FBXL17: variants seen among roughly 807,000 people sequenced by gnomAD.
The protein encoded by FBXL17 is F-box/LRR-repeat protein 17.
Under a neutral mutation model 66.2 loss-of-function variants are expected in FBXL17, and 22 were observed. The observed-to-expected ratio is 0.33, with a 90% CI of 0.24 to 0.47. The LOEUF is 0.47. FBXL17 is among the 20% of genes least tolerant of loss of function. The pLI is 1.00. For synonymous variants in FBXL17, 474 were observed against 400.5 expected (o/e 1.18, Z -2.19); for missense variants, 878 against 948.2 (o/e 0.93, Z 0.97).
intron 7 of FBXL17, among the ~76,000 whole-genome samples, chr5:108,016,177 G>A (rs1426720366): frequency 1.3e-5 from 2 of 152,142 alleles, no homozygotes; most frequent in Non-Finnish European, 2.9e-5. Flanking sequence ...AAGACCTTTT[G>A]CCCAGAGCAA....
chr5:108,349,733 G>A (rs574683098), intron 3 of FBXL17, among the ~76,000 whole-genome samples: 6 of 152,204 alleles, frequency 3.9e-5, no homozygotes, highest in Admixed American at 1.3e-4. Context: ...TTTTAAATGC[G>A]CAAATACAAG....
chr5:108,015,423 C>A (rs1156239664), intron 7 of FBXL17, among the ~76,000 whole-genome samples: 2 of 151,796 alleles, frequency 1.3e-5, no homozygotes, highest in Non-Finnish European at 2.9e-5. Flanking sequence ...TTCCTGCTGA[C>A]AAAAGGAGTG....
In FBXL17 at chr5:108,172,356, C is replaced by A. The variant is rs553723660; in HGVS notation, c.1745+13761G>T. Among the ~76,000 whole-genome samples, 8 of 152,224 alleles carry A rather than the reference C, an allele frequency of 5.3e-5. No homozygotes were observed. In the South Asian group the frequency reaches 1.2e-3, roughly 24 times the overall value. On this transcript the variant is annotated intron_variant, in intron 6 of 8. Transcript: ENST00000542267. ...AGTCACAGCCAAGTCACAAAGCCAG[C>A]ACAGATATAAGAGGATAGAAGGATA...
At chr5:108,313,031 A>T (rs1324373441) in intron 4 of FBXL17, among the ~76,000 whole-genome samples, 3 of 152,138 alleles carry the variant, frequency 2.0e-5, no homozygotes, top group African/African-American at 7.2e-5. Flanking sequence ...ATCAAATGTT[A>T]GTTACTAAAA....
chr5:107,961,847 T>C (rs1271416495), intron 7 of FBXL17, among the ~76,000 whole-genome samples: 1 of 152,192 alleles, frequency 6.6e-6, no homozygotes, highest in Non-Finnish European at 1.5e-5. Context: ...GGTCTATGTC[T>C]GTGCAGATAG....
At chr5:108,252,813 GGGT>G in intron 4 of FBXL17, among the ~76,000 whole-genome samples, 1 of 152,208 alleles carries the variant, frequency 6.6e-6, no homozygotes, top group East Asian at 1.9e-4. Flanking sequence ...CCCCAAAGCT[GGGT>G]AAAAGGTACT....
At chr5:108,312,817 T>G (rs1467841829) in intron 4 of FBXL17, among the ~76,000 whole-genome samples, 1 of 152,118 alleles carries the variant, frequency 6.6e-6, no homozygotes, top group East Asian at 1.9e-4. Flanking sequence ...CTAATTAAAT[T>G]ACTCCAATAC....
chr5:108,230,516 G>A (rs913838793), intron 4 of FBXL17, among the ~76,000 whole-genome samples: 2 of 152,126 alleles, frequency 1.3e-5, no homozygotes, highest in African/African-American at 4.8e-5. Flanking sequence ...TGGGAGCTAA[G>A]CTATGAGGAT....
At chr5:108,320,255 T>C (rs1172838589) in intron 4 of FBXL17, among the ~76,000 whole-genome samples, 12 of 151,758 alleles carry the variant, frequency 7.9e-5, no homozygotes, top group Non-Finnish European at 1.8e-4. Flanking sequence ...AAGTGGCCTA[T>C]GTCACTAGGT....
chr5:108,158,621 C>A (rs1008136544), intron 6 of FBXL17, among the ~76,000 whole-genome samples: 3 of 151,578 alleles, frequency 2.0e-5, no homozygotes, highest in African/African-American at 7.3e-5. Context: ...AATAGAGAGA[C>A]TGGAGCAGAA....
chr5:108,343,863 AG>A (rs1747068481), intron 4 of FBXL17, among the ~76,000 whole-genome samples: 2 of 152,210 alleles, frequency 1.3e-5, no homozygotes, highest in South Asian at 4.1e-4. Flanking sequence ...AACTGCAGAA[AG>A]CAAATAATAG....
intron 4 of FBXL17, among the ~76,000 whole-genome samples, chr5:108,294,294 T>A (rs10054843): frequency 0.069 from 9,414 of 137,354 alleles, 383 homozygotes; most frequent in Middle Eastern, 0.12. Flanking sequence ...AAAAAAAAAA[T>A]ATATATATAT....
intron 3 of FBXL17, among the ~76,000 whole-genome samples, chr5:108,349,136 T>C (rs1173731727): frequency 2.6e-5 from 4 of 152,136 alleles, no homozygotes; most frequent in African/African-American, 7.2e-5. Context: ...AGGAAAAAAA[T>C]ATAATGCTTA....
intron 6 of FBXL17, among the ~76,000 whole-genome samples, chr5:108,113,674 C>A (rs903324447): frequency 2.0e-5 from 3 of 152,084 alleles, no homozygotes; most frequent in Non-Finnish European, 4.4e-5. Flanking sequence ...ACTAAACACT[C>A]CTCACATTAA....
chr5:108,318,929 T>C (rs1373145064), intron 4 of FBXL17, among the ~76,000 whole-genome samples: 1 of 151,906 alleles, frequency 6.6e-6, no homozygotes, highest in Non-Finnish European at 1.5e-5. Flanking sequence ...AAATGAAATA[T>C]TGATTTAAAA....
chr5:108,365,175 T>C (rs1438916986), intron 2 of FBXL17, among the ~76,000 whole-genome samples, 180 bp from the exon 3 acceptor site: 1 of 152,086 alleles, frequency 6.6e-6, no homozygotes, highest in Admixed American at 6.6e-5. Context: ...AATAATAATA[T>C]TGTAATTGGT....
At chr5:108,185,571 GGGC>G (rs1323738655) in intron 6 of FBXL17, among the ~76,000 whole-genome samples, 2 of 152,036 alleles carry the variant, frequency 1.3e-5, no homozygotes, top group Non-Finnish European at 2.9e-5. Context: ...ATGCTAGAAT[GGGC>G]TAATATAGGC....
chr5:107,942,034 C>T (rs1011569822), intron 7 of FBXL17, among the ~76,000 whole-genome samples: 4 of 152,090 alleles, frequency 2.6e-5, no homozygotes, highest in African/African-American at 9.7e-5. Flanking sequence ...CTCAAAGGTA[C>T]CATGTTGGTC....
chr5:108,103,307 T>C (rs1427212120), intron 6 of FBXL17, among the ~76,000 whole-genome samples: 1 of 152,164 alleles, frequency 6.6e-6, no homozygotes, highest in African/African-American at 2.4e-5. Flanking sequence ...TTCCTGCAGC[T>C]TACGGTTTTA....
Sources: gnomAD v4.1 joint callset for allele counts (sites outside exome capture counted in the v4.1 genomes callset) on GRCh38, gnomAD v4.1.1 for gene constraint, MANE v1.5 for transcripts, NCBI Gene and HGNC (gene_info 2026-07-23, HGNC 2026-07-21) for gene names.